CDKAL1: variants seen among roughly 807,000 people sequenced by gnomAD.
CDKAL1 encodes the protein CDKAL1 threonylcarbamoyladenosine tRNA methylthiotransferase.
In CDKAL1, 32 loss-of-function variants were observed where a neutral mutation model predicts 68.2. The ratio of observed to expected loss-of-function variants is 0.47; its 90% CI spans 0.35 to 0.63. CDKAL1 has a LOEUF of 0.63. Ranked by LOEUF, CDKAL1 falls within the 30% of genes least tolerant of loss-of-function variation. The probability of loss-of-function intolerance (pLI) is 0.00; values close to 1 mark genes in which losing one functional copy is unlikely to be tolerated. For missense variants in CDKAL1, 606 were observed against 696.7 expected, an observed-to-expected ratio of 0.87 and a Z score of 1.47; for synonymous variants, 234 against 244.3, an observed-to-expected ratio of 0.96 and a Z score of 0.39.
chr6:20,783,627 G>T (rs985300038), intron 8 of CDKAL1, among the ~76,000 whole-genome samples: 1 of 152,212 alleles, frequency 6.6e-6, no homozygotes, highest in Non-Finnish European at 1.5e-5. Flanking sequence ...TTCTTGGGAT[G>T]TCTGCTTGTT....
At chr6:21,203,951 A>G (rs1778795933) in intron 15 of CDKAL1, among the ~76,000 whole-genome samples, 1 of 152,158 alleles carries the variant, frequency 6.6e-6, no homozygotes. Context: ...GGTGAAGGTT[A>G]TATGCACATT....
At position 20,740,475 on chromosome 6, in the gene CDKAL1, G is replaced by A. The variant is rs115484245; in HGVS notation, c.468+860G>A. Among the ~76,000 whole-genome samples, 617 of 152,174 alleles carry A rather than the reference G, an allele frequency of 4.1e-3. 8 individuals are homozygous for A. Among genetic ancestry groups the A allele is most frequent in the African/African-American group, 0.014 (569 of 41,500 alleles). ...GTCAATATTTGTTGATCAAATGATG[G>A]TGCTTCTTCCTTCCCAACATTCTAC... On this transcript the variant is annotated intron_variant, in intron 6 of 15. Coordinates refer to ENST00000274695, the MANE Select transcript of CDKAL1 (RefSeq NM_017774.3).
At chr6:20,646,048 A>AT (rs1171622769) in intron 4 of CDKAL1, among the ~76,000 whole-genome samples, 37,755 of 87,272 alleles carry the variant, frequency 0.43, 9,265 homozygotes, top group East Asian at 0.67. Context: ...TCACGGTTAA[A>AT]TTTTTTTTTT....
intron 15 of CDKAL1, among the ~76,000 whole-genome samples, chr6:21,203,505 G>T (rs1778777997): frequency 6.6e-6 from 1 of 151,424 alleles, no homozygotes; most frequent in African/African-American, 2.4e-5. Flanking sequence ...CAAAGTGCTG[G>T]AATTACAGAC....
chr6:21,195,472 GTTTT>G (rs199522083), intron 13 of CDKAL1, among the ~76,000 whole-genome samples: 13,073 of 135,620 alleles, frequency 0.096, 646 homozygotes, highest in Admixed American at 0.12. Flanking sequence ...CTCTGGAGAT[GTTTT>G]TTTTATTTAT....
Position 20,591,366 on chromosome 6 carries a change from C to T in CDKAL1, c.286+42661C>T, listed in dbSNP as rs554569545. Among the ~76,000 whole-genome samples the T allele has an allele frequency of 9.2e-5, 14 of 152,200 alleles. No homozygotes were observed. In the East Asian group the frequency reaches 2.7e-3, roughly 29 times the overall value. On this transcript the variant is annotated intron_variant, in intron 4 of 15. Coordinates refer to ENST00000274695, the MANE Select transcript of CDKAL1 (RefSeq NM_017774.3). ...GAAGCTCTTTAGTTTAATTAGATCC[C>T]ATTTGTCTATTTTGGCTTTTGTTGT...
At chr6:20,728,794 A>G (rs1020432208) in intron 5 of CDKAL1, among the ~76,000 whole-genome samples, 3 of 152,324 alleles carry the variant, frequency 2.0e-5, no homozygotes, top group Non-Finnish European at 4.4e-5. Flanking sequence ...TATATTCTCT[A>G]TAATAAGAAA....
At chr6:21,177,127 G>A (rs1777615496) in intron 13 of CDKAL1, among the ~76,000 whole-genome samples, 1 of 152,160 alleles carries the variant, frequency 6.6e-6, no homozygotes, top group Admixed American at 6.5e-5. Flanking sequence ...TCTCAAATTG[G>A]AATCATACTG....
chr6:20,691,195 C>T (rs906217950), intron 5 of CDKAL1, among the ~76,000 whole-genome samples: 2 of 152,132 alleles, frequency 1.3e-5, no homozygotes, highest in Non-Finnish European at 2.9e-5. Flanking sequence ...GCCTTTGGCT[C>T]TTTCCAGTTT....
intron 10 of CDKAL1, among the ~76,000 whole-genome samples, chr6:20,957,651 A>G (rs1764843372): frequency 1.3e-5 from 2 of 152,314 alleles, no homozygotes; most frequent in African/African-American, 2.4e-5. Context: ...TAGTGGCTCA[A>G]TAAATGAGTG....
intron 9 of CDKAL1, among the ~76,000 whole-genome samples, chr6:20,873,123 G>A (rs926981252): frequency 3.2e-4 from 48 of 152,138 alleles, no homozygotes; most frequent in Non-Finnish European, 6.5e-4. Context: ...AATTTTGAGA[G>A]TCAAAAATTG....
chr6:21,131,933 A>C (rs111956201), intron 13 of CDKAL1, among the ~76,000 whole-genome samples: 13 of 152,312 alleles, frequency 8.5e-5, no homozygotes, highest in African/African-American at 2.9e-4. Context: ...TAAGACTTTA[A>C]AATGAAAACA....
chr6:20,592,644 A>G (rs778800600), intron 4 of CDKAL1, among the ~76,000 whole-genome samples: 1 of 151,684 alleles, frequency 6.6e-6, no homozygotes, highest in Non-Finnish European at 1.5e-5. Flanking sequence ...AATTTTTTGT[A>G]TCCTTAGTAG....
At chr6:20,612,990 T>TACACAC (rs55999857) in intron 4 of CDKAL1, among the ~76,000 whole-genome samples, 1,852 of 129,970 alleles carry the variant, frequency 0.014, 13 homozygotes, top group East Asian at 0.03. Context: ...TTGCAATTTC[T>TACACAC]ACACACACAC....
chr6:21,192,327 C>A (rs1055107261), intron 13 of CDKAL1, among the ~76,000 whole-genome samples: 4 of 151,886 alleles, frequency 2.6e-5, no homozygotes, highest in African/African-American at 7.3e-5. Flanking sequence ...GGCCATAATT[C>A]ATTTTTCATA....
chr6:20,755,250 A>C (rs1247060227), intron 6 of CDKAL1, among the ~76,000 whole-genome samples: 1 of 152,128 alleles, frequency 6.6e-6, no homozygotes, highest in African/African-American at 2.4e-5. Context: ...GTCTGGATAT[A>C]ATGTCTTGGC....
intron 8 of CDKAL1, among the ~76,000 whole-genome samples, chr6:20,810,636 G>A (rs1371067736): frequency 1.6e-5 from 2 of 126,994 alleles, no homozygotes; most frequent in Non-Finnish European, 3.4e-5. Context: ...GGGTGTGTGT[G>A]TGTGTGTGTG....
At chr6:20,950,039 C>T (rs189651522) in intron 9 of CDKAL1, among the ~76,000 whole-genome samples, 87 of 152,198 alleles carry the variant, frequency 5.7e-4, no homozygotes, top group Non-Finnish European at 1.0e-3. Context: ...ATCCACTTGT[C>T]TCAGCCTCCC....
At position 20,534,528 on chromosome 6, in the gene CDKAL1, GGGTTGA is replaced by G. The variant is rs1561905805; in HGVS notation, c.-95_-90del. 1 of 152,770 alleles carries G rather than the reference GGGTTGA, an allele frequency of 6.5e-6. No individual in the cohort carries two copies. Among genetic ancestry groups the G allele is most frequent in the African/African-American group, 2.4e-5 (1 of 41,440 alleles). The allele number at this position is 152,770 out of a possible 1,614,324, so 9.5% of individuals were successfully genotyped here. A position where few individuals can be genotyped will look rare whatever the true frequency, so the allele number is the denominator to read the frequency against. On this transcript the variant is annotated 5_prime_UTR_variant, in exon 1 of 16. Coordinates refer to ENST00000274695, the MANE Select transcript of CDKAL1 (RefSeq NM_017774.3). ...GTCTGTGCAGCTTCCGGAGAGTGGC[GGGTTGA>G]TTTTCTCACTTTGGACTGGTTTTTA... is the stretch of plus-strand genomic sequence containing the variant.
Sources: allele counts gnomAD v4.1 joint callset (sites outside exome capture counted in the v4.1 genomes callset), GRCh38; gene constraint gnomAD v4.1.1; transcripts MANE v1.5; gene names NCBI Gene and HGNC (gene_info 2026-07-23, HGNC 2026-07-21).